Variants in POU2F1 observed in about 807,000 individuals in gnomAD.
POU2F1 encodes POU class 2 homeobox 1.
In POU2F1, 16 loss-of-function variants were observed where a neutral mutation model predicts 84.9. The ratio of observed to expected loss-of-function variants is 0.19; its 90% confidence interval spans 0.13 to 0.29. POU2F1 has a LOEUF of 0.29. Among genes scored for constraint, POU2F1 ranks in the 10% least tolerant of loss-of-function variants. POU2F1 has a pLI of 1.00. For synonymous variants in POU2F1, 368 were observed against 368.3 expected, an observed-to-expected ratio of 1.00 and a Z score of 0.01; for missense variants, 738 against 942.6, an observed-to-expected ratio of 0.78 and a Z score of 2.84.
chr1:167,309,103 G>GTTTTTTTTTT (rs749208571), intron 1 of POU2F1, among the ~76,000 whole-genome samples: 1 of 140,746 alleles, frequency 7.1e-6, no homozygotes. Context: ...TCCACTAGTG[G>GTTTTTTTTTT]TTTTTTTTTT....
chr1:167,276,765 A>G (rs781604496), intron 1 of POU2F1, among the ~76,000 whole-genome samples: 1 of 152,224 alleles, frequency 6.6e-6, no homozygotes, highest in Admixed American at 6.5e-5. Flanking sequence ...AAGTATTTTC[A>G]GTTCCATATT....
intron 1 of POU2F1, among the ~76,000 whole-genome samples, chr1:167,274,586 G>T (rs1652590859): frequency 6.6e-6 from 1 of 151,394 alleles, no homozygotes; most frequent in East Asian, 1.9e-4. Flanking sequence ...CTATGTATTG[G>T]GTCTATATTT....
intron 1 of POU2F1, among the ~76,000 whole-genome samples, chr1:167,259,591 G>A (rs755196108): frequency 6.6e-6 from 1 of 152,156 alleles, no homozygotes; most frequent in African/African-American, 2.4e-5. Flanking sequence ...GTGTGTTTGT[G>A]TGTGTAAGAT....
intron 1 of POU2F1, among the ~76,000 whole-genome samples, chr1:167,295,536 G>A (rs957628302): frequency 6.6e-6 from 1 of 152,192 alleles, no homozygotes; most frequent in African/African-American, 2.4e-5. Context: ...TGGGAAGAGA[G>A]TGCCAGATAA....
intron 2 of POU2F1, among the ~76,000 whole-genome samples, chr1:167,350,704 A>G (rs562025180): frequency 6.0e-5 from 9 of 150,324 alleles, no homozygotes; most frequent in African/African-American, 2.2e-4. Flanking sequence ...AAGAAAATGT[A>G]TTATCTGTGT....
chr1:167,222,069 G>A (rs1648256822), intron 1 of POU2F1, among the ~76,000 whole-genome samples: 1 of 152,106 alleles, frequency 6.6e-6, no homozygotes, highest in African/African-American at 2.4e-5. Context: ...GCACGGGGCG[G>A]GTGGCCCTCC....
rs575616280 is a variant in POU2F1 at position 167,258,768 on chromosome 1, G to A, written c.61+37810G>A. 1.3e-3 allele frequency among the ~76,000 whole-genome samples: 205 copies of A among 152,210 alleles called. 1 individual carries two copies. Among genetic ancestry groups the A allele is most frequent in the Non-Finnish European group, 2.5e-3 (169 of 68,008 alleles). On this transcript the variant is annotated intron_variant, in intron 1 of 15. Transcript: ENST00000367866. ...AATTCAGAAAATTCAAAATATAAACGAATAGAATAGTAATTGAGTTAAAAA... is the reference window on the plus strand; with the variant it reads ...AATTCAGAAAATTCAAAATATAAACAAATAGAATAGTAATTGAGTTAAAAA...
intron 1 of POU2F1, among the ~76,000 whole-genome samples, chr1:167,224,165 GT>G (rs1415680317): frequency 6.6e-6 from 1 of 152,128 alleles, no homozygotes; most frequent in Non-Finnish European, 1.5e-5. Flanking sequence ...TAATGCTATT[GT>G]AAAAATTCAT....
chr1:167,338,504 G>C (rs2101747596), intron 2 of POU2F1, among the ~76,000 whole-genome samples: 1 of 152,244 alleles, frequency 6.6e-6, no homozygotes, highest in Admixed American at 6.5e-5. Flanking sequence ...CCTTTCTGTA[G>C]CCTAGATCAG....
At chr1:167,294,705 A>T (rs1353171868) in intron 1 of POU2F1, among the ~76,000 whole-genome samples, 1 of 152,246 alleles carries the variant, frequency 6.6e-6, no homozygotes, top group East Asian at 1.9e-4. Flanking sequence ...AATGCAAATT[A>T]AAACCACAAT....
chr1:167,250,382 A>G (rs1650634661), intron 1 of POU2F1, among the ~76,000 whole-genome samples: 1 of 152,168 alleles, frequency 6.6e-6, no homozygotes, highest in South Asian at 2.1e-4. Flanking sequence ...TTTTGTTTTA[A>G]TTTTATATAG....
rs188037104 is a variant in POU2F1, at chr1:167,231,360, A to G, written c.61+10402A>G. On this transcript the variant is annotated intron_variant, in intron 1 of 15. Transcript: ENST00000367866. ...ACCTGAATATTTATTAAAAATATAG[A>G]ACATGGTAAGCTTGGTCCTGTCCTA... Among the ~76,000 whole-genome samples the G allele has an allele frequency of 2.8e-4, 43 of 152,336 alleles. No individual in the cohort carries two copies. The Middle Eastern group carries it at 0.017, about 60-fold the overall frequency.
At chr1:167,376,193 G>A (rs1176292350) in intron 7 of POU2F1, 38 bp downstream of exon 7, 1 of 1,597,506 alleles carries the variant, frequency 6.3e-7, no homozygotes. Context: ...GGTATACCAA[G>A]GCTGTTCGCT....
chr1:167,413,265 G>A (rs1236267829), intron 15 of POU2F1, 151 bp downstream of exon 15: 3 of 689,480 alleles, frequency 4.4e-6, no homozygotes, highest in East Asian at 5.3e-5. Context: ...TGACTAACTT[G>A]TTCTTGAGAA....
intron 1 of POU2F1, among the ~76,000 whole-genome samples, chr1:167,259,671 T>G (rs1475807771): frequency 1.3e-5 from 2 of 152,156 alleles, no homozygotes; most frequent in Non-Finnish European, 2.9e-5. Flanking sequence ...GGTGTGCACA[T>G]CTTTAGCTTT....
chr1:167,268,850 A>T lies in POU2F1; in HGVS notation c.61+47892A>T, dbSNP rs76339212. On this transcript the variant is annotated intron_variant, in intron 1 of 15. Coordinates refer to ENST00000367866, the MANE Select transcript of POU2F1 (RefSeq NM_002697.4). ...ATCCAGGGCAAGTGGAAAGATCCAG[A>T]GATTTTACTGTTGTTGTTCTCTATT... Among the ~76,000 whole-genome samples, 1,355 of 152,290 alleles carry T rather than the reference A, an allele frequency of 8.9e-3. 20 individuals are homozygous for T. Among genetic ancestry groups the T allele is most frequent in the African/African-American group, 0.031 (1,272 of 41,556 alleles).
chr1:167,412,362 C>G, intron 14 of POU2F1, 58 bp downstream of exon 14: 1 of 1,394,826 alleles, frequency 7.2e-7, no homozygotes, highest in Non-Finnish European at 9.7e-7. Flanking sequence ...TGGAATTACT[C>G]ACAGGGGAGA....
chr1:167,338,111 G>A (rs1657591358), intron 2 of POU2F1: 2 of 456,614 alleles, frequency 4.4e-6, no homozygotes, highest in Admixed American at 2.4e-5. Context: ...TACACCAAGT[G>A]TGCCTGCCTC....
intron 9 of POU2F1, among the ~76,000 whole-genome samples, chr1:167,393,851 T>G (rs944327022): frequency 6.6e-6 from 1 of 152,192 alleles, no homozygotes; most frequent in Non-Finnish European, 1.5e-5. Context: ...ACTCAAAGAA[T>G]TGCAAGGTTT....
Sources: gnomAD v4.1 joint callset for allele counts (sites outside exome capture counted in the v4.1 genomes callset) on GRCh38, gnomAD v4.1.1 for gene constraint, MANE v1.5 for transcripts, NCBI Gene and HGNC (gene_info 2026-07-23, HGNC 2026-07-21) for gene names.